Variants in ANXA2 observed in about 807,000 individuals in gnomAD.
ANXA2 encodes annexin II.
A neutral mutation model predicts 47.3 loss-of-function variants in ANXA2; 28 were observed. That is an observed-to-expected ratio of 0.59 (90% confidence interval 0.44 to 0.81). ANXA2 has a LOEUF of 0.81. Among genes scored for constraint, ANXA2 ranks in the 40% least tolerant of loss-of-function variants. The pLI, the probability that ANXA2 is intolerant of heterozygous loss-of-function variation, is 0.00. For missense variants in ANXA2, 384 were observed against 414.3 expected, an observed-to-expected ratio of 0.93 and a Z score of 0.64; for synonymous variants, 172 against 155.5, an observed-to-expected ratio of 1.11 and a Z score of -0.79.
At chr15:60,362,080 T>G (rs562559971) in intron 4 of ANXA2, among the ~76,000 whole-genome samples, 1 of 152,252 alleles carries the variant, frequency 6.6e-6, no homozygotes, top group South Asian at 2.1e-4. Context: ...AGAACTGACA[T>G]GGATCTTAGA....
At chr15:60,376,346 C>T (rs549898779) in intron 3 of ANXA2, among the ~76,000 whole-genome samples, 74 of 151,928 alleles carry the variant, frequency 4.9e-4, no homozygotes, top group African/African-American at 1.6e-3. Flanking sequence ...GTGCATTGCA[C>T]TCCAGCCTGG....
In ANXA2 at chr15:60,364,440, T is replaced by C; in HGVS notation, c.232A>G (p.Arg78Gly). Reference sequence around the variant, plus strand: ...GGAATTGCCTGTACCTTTTTGGTCCTTCTCTGGTAGGCGAAGGCAATATCC... The same window carrying C: ...GGAATTGCCTGTACCTTTTTGGTCCCTCTCTGGTAGGCGAAGGCAATATCC... ...RQDIAFAYQR[R>G]TKKELASALK... The change falls in exon 4 of 13, where the codon AGG (arginine) becomes GGG (glycine). Residue 78 changes from arginine (R) to glycine (G), a missense_variant. Physicochemically the swap from Arg to Gly is moderately radical, Grantham distance 125. Coordinates refer to ENST00000451270, the MANE Select transcript of ANXA2 (RefSeq NM_004039.3). The C allele has an allele frequency of 6.2e-7, 1 of 1,611,706 alleles. No homozygotes were observed. The highest frequency in any genetic ancestry group is 8.5e-7 in the Non-Finnish European group (1 of 1,179,374).
intron 4 of ANXA2, 72 bp from the exon 5 acceptor site, chr15:60,361,126 G>T (rs895000168): frequency 1.9e-6 from 2 of 1,059,286 alleles, no homozygotes; most frequent in African/African-American, 1.6e-5. Context: ...ACAAAAGTAA[G>T]AGGGATCTTT....
intron 3 of ANXA2, among the ~76,000 whole-genome samples, chr15:60,373,907 T>C (rs763524920): frequency 6.6e-6 from 1 of 152,190 alleles, no homozygotes; most frequent in Non-Finnish European, 1.5e-5. Flanking sequence ...ATTTTTGCCA[T>C]TGGCACACAT....
intron 9 of ANXA2, 66 bp from the exon 10 acceptor site, chr15:60,351,885 C>T (rs1413274601): frequency 9.0e-7 from 1 of 1,113,708 alleles, no homozygotes; most frequent in Admixed American, 1.8e-5. Context: ...CGATCACCCA[C>T]CTAGTTTTAT....
chr15:60,382,410 A>G lies in ANXA2; in HGVS notation c.80T>C (p.Val27Ala). ...HSTPPSAYGS[V>A]KAYTNFDAER... ...AGCATCAAAGTTAGTATAGGCTTTG[A>G]CAGACCCATATGCACTTGGGGGTGT... The change falls in exon 3 of 13, where the codon GTC becomes GCC. Residue 27 changes from valine (V) to alanine (A), a missense_variant. Val to Ala is a moderately conservative substitution (Grantham distance 64). Coordinates refer to ENST00000451270, the MANE Select transcript of ANXA2 (RefSeq NM_004039.3). The G allele has an allele frequency of 6.2e-7, 1 of 1,613,938 alleles. No individual in the cohort carries two copies. Among genetic ancestry groups the G allele is most frequent in the Non-Finnish European group, 8.5e-7 (1 of 1,179,846 alleles).
At chr15:60,377,593 A>G (rs2062798277) in intron 3 of ANXA2, among the ~76,000 whole-genome samples, 1 of 152,218 alleles carries the variant, frequency 6.6e-6, no homozygotes, top group Non-Finnish European at 1.5e-5. Context: ...TAATAGCATT[A>G]TGTCTAAAAA....
rs77861033 is a variant in ANXA2, at chr15:60,359,863, G to A, written c.357+1078C>T. 3.7e-3 allele frequency among the ~76,000 whole-genome samples: 559 copies of A among 152,354 alleles called. 4 individuals carry two copies. The highest frequency in any genetic ancestry group is 0.013 in the African/African-American group (533 of 41,582). On this transcript the variant is annotated intron_variant, in intron 5 of 12. Transcript: ENST00000451270. The stretch of plus-strand genomic sequence containing the variant: ...CCCATGTATATCAGCAGAGGGCAGT[G>A]TCGGACTGTTCAAATGCTGCAGACC...
chr15:60,378,395 G>A (rs1245332583), intron 3 of ANXA2, among the ~76,000 whole-genome samples: 1 of 152,116 alleles, frequency 6.6e-6, no homozygotes, highest in African/African-American at 2.4e-5. Flanking sequence ...GTAATACAGA[G>A]AGTTACACAT....
At chr15:60,360,875 T>C in intron 5 of ANXA2, 66 bp downstream of exon 5, 1 of 1,037,826 alleles carries the variant, frequency 9.6e-7, no homozygotes, top group Non-Finnish European at 1.5e-6. Flanking sequence ...CAAATTACAC[T>C]CAGAAAGCTG....
intron 4 of ANXA2, among the ~76,000 whole-genome samples, chr15:60,362,476 G>A (rs2062530244): frequency 6.6e-6 from 1 of 152,140 alleles, no homozygotes; most frequent in South Asian, 2.1e-4. Flanking sequence ...TCTGGCGTCT[G>A]CTAGAACATG....
At chr15:60,397,046 G>A (rs11071526) in intron 1 of ANXA2, among the ~76,000 whole-genome samples, 150,350 of 152,294 alleles carry the variant, frequency 0.99, 74,246 homozygotes, top group Middle Eastern at 1. Flanking sequence ...CTTCCCAGAT[G>A]AGGAAACTTA....
chr15:60,364,255 C>T (rs112280717), intron 4 of ANXA2, among the ~76,000 whole-genome samples, 174 bp downstream of exon 4: 16 of 152,220 alleles, frequency 1.1e-4, no homozygotes, highest in African/African-American at 1.7e-4. Context: ...CGTGCACACA[C>T]GCACACACAC....
intron 3 of ANXA2, among the ~76,000 whole-genome samples, chr15:60,379,290 G>T (rs1566944921): frequency 6.6e-6 from 1 of 151,740 alleles, no homozygotes; most frequent in East Asian, 1.9e-4. Flanking sequence ...AAAAATAAAT[G>T]AATAAAAATA....
chr15:60,381,107 G>A (rs2062852413), intron 3 of ANXA2, among the ~76,000 whole-genome samples: 1 of 152,168 alleles, frequency 6.6e-6, no homozygotes, highest in African/African-American at 2.4e-5. Context: ...AGAGTGAAAG[G>A]TGCACTATTA....
intron 3 of ANXA2, among the ~76,000 whole-genome samples, chr15:60,373,191 G>A (rs2062733096): frequency 6.6e-6 from 1 of 152,118 alleles, no homozygotes; most frequent in Non-Finnish European, 1.5e-5. Context: ...TAGAGAACTG[G>A]GCTGAAATTT....
chr15:60,361,344 G>A (rs1208895126), intron 4 of ANXA2: 2 of 379,486 alleles, frequency 5.3e-6, no homozygotes, highest in Non-Finnish European at 9.9e-6. Flanking sequence ...AAAGCTGTGA[G>A]AGTGCAGGCA....
intron 1 of ANXA2, chr15:60,393,541 C>T (rs2063042185): frequency 1.0e-6 from 1 of 986,000 alleles, no homozygotes; most frequent in Non-Finnish European, 1.2e-6. Context: ...TGCATACACG[C>T]ATCCTGCACA....
intron 1 of ANXA2, chr15:60,397,221 A>T (rs1298803726): frequency 3.1e-6 from 3 of 955,164 alleles, no homozygotes; most frequent in Non-Finnish European, 3.7e-6. Context: ...GGCGAGTAAC[A>T]GGACAACCCT....
Sources: gnomAD v4.1 joint callset for allele counts (sites outside exome capture counted in the v4.1 genomes callset) on GRCh38, gnomAD v4.1.1 for gene constraint, MANE v1.5 for transcripts, NCBI Gene and HGNC (gene_info 2026-07-23, HGNC 2026-07-21) for gene names.